The following KCTD16 variants were observed in gnomAD, a reference collection of about 807,000 sequenced individuals.
KCTD16 encodes the protein BTB/POZ domain-containing protein KCTD16.
KCTD16 carries 13 observed loss-of-function variants against 33.2 expected under a neutral mutation model. That is an observed-to-expected ratio of 0.39 (90% CI 0.25 to 0.62). The LOEUF (loss-of-function observed/expected upper bound fraction) is 0.62. Ranked by LOEUF, KCTD16 falls within the 20% of genes least tolerant of loss-of-function variation. The probability of loss-of-function intolerance (pLI) is 0.50; values close to 1 mark genes in which losing one functional copy is unlikely to be tolerated. For missense variants in KCTD16, 441 were observed against 525.1 expected (o/e 0.84, Z 1.57); for synonymous variants, 197 against 195.3 (o/e 1.01, Z -0.07).
At chr5:144,330,148 C>T (rs984430341) in intron 3 of KCTD16, among the ~76,000 whole-genome samples, 1 of 152,098 alleles carries the variant, frequency 6.6e-6, no homozygotes, top group Non-Finnish European at 1.5e-5. Context: ...AGTGGTGGCT[C>T]ACGCCTGTAA....
intron 3 of KCTD16, among the ~76,000 whole-genome samples, chr5:144,386,971 A>G (rs1449750158): frequency 5.3e-5 from 8 of 151,366 alleles, no homozygotes; most frequent in Non-Finnish European, 1.2e-4. Context: ...TACCAATTAC[A>G]AAGCACTTTT....
chr5:144,300,442 G>T (rs532065128), intron 3 of KCTD16, among the ~76,000 whole-genome samples: 1 of 152,224 alleles, frequency 6.6e-6, no homozygotes, highest in Non-Finnish European at 1.5e-5. Flanking sequence ...ATTTAATAGG[G>T]TGCAAATTGT....
intron 3 of KCTD16, among the ~76,000 whole-genome samples, chr5:144,299,150 T>G (rs7717937): frequency 3.4e-5 from 1 of 29,298 alleles, no homozygotes; most frequent in Non-Finnish European, 5.2e-5. Context: ...ATATATATAT[T>G]TTTTTTTTTT....
chr5:144,219,202 C>CTTTTATTT (rs753212651), intron 3 of KCTD16, among the ~76,000 whole-genome samples: 86 of 152,132 alleles, frequency 5.7e-4, no homozygotes, highest in Non-Finnish European at 1.1e-3. Flanking sequence ...TCTCCCAGCT[C>CTTTTATTT]TTTTATTTTT....
At chr5:144,296,022 A>G (rs1756025047) in intron 3 of KCTD16, among the ~76,000 whole-genome samples, 1 of 152,206 alleles carries the variant, frequency 6.6e-6, no homozygotes, top group Non-Finnish European at 1.5e-5. Context: ...TTAAGCCACT[A>G]AGTTTGTGAT....
chr5:144,280,158 A>G (rs766760331), intron 3 of KCTD16, among the ~76,000 whole-genome samples: 1 of 152,122 alleles, frequency 6.6e-6, no homozygotes, highest in Non-Finnish European at 1.5e-5. Flanking sequence ...TGGCTTTGAT[A>G]TATCAGAGTA....
At position 144,206,596 on chromosome 5, in the gene KCTD16, T is replaced by A; in HGVS notation, c.-119T>A. 1.2e-6 allele frequency: 1 copy of A among 834,192 alleles called. No individual in the cohort carries two copies. The highest frequency in any genetic ancestry group is 1.9e-5 in the South Asian group (1 of 53,972). 51.7% of individuals were successfully genotyped at this position (834,192 alleles called of 1,614,324 possible). A position where few individuals can be genotyped will look rare whatever the true frequency, so the allele number is the denominator to read the frequency against. On this transcript the variant is annotated 5_prime_UTR_variant, in exon 3 of 4. Transcript: ENST00000512467. Reference sequence around the variant, plus strand: ...GGAAAAATACTGGGATAAGAGGAGGTCATTTTTTAATAAGTTAGCATCCTT... The same window carrying A: ...GGAAAAATACTGGGATAAGAGGAGGACATTTTTTAATAAGTTAGCATCCTT...
chr5:144,348,728 T>C (rs244523), intron 3 of KCTD16, among the ~76,000 whole-genome samples: 1 of 151,988 alleles, frequency 6.6e-6, no homozygotes, highest in African/African-American at 2.4e-5. Context: ...ATGCCAAAAA[T>C]ATTATCCTGG....
At chr5:144,470,892 T>C (rs985290813) in intron 3 of KCTD16, among the ~76,000 whole-genome samples, 1 of 152,116 alleles carries the variant, frequency 6.6e-6, no homozygotes, top group African/African-American at 2.4e-5. Flanking sequence ...TAAAATAACT[T>C]TTGGAAGACT....
At chr5:144,436,030 T>C (rs2126972912) in intron 3 of KCTD16, among the ~76,000 whole-genome samples, 1 of 152,316 alleles carries the variant, frequency 6.6e-6, no homozygotes, top group South Asian at 2.1e-4. Flanking sequence ...TAAAGAACAG[T>C]TGTGCTTGTA....
In KCTD16 at chr5:144,480,631, G is replaced by C. The variant is rs1250328382; in HGVS notation, c.*6517G>C. On this transcript the variant is annotated 3_prime_UTR_variant, in exon 4 of 4. Transcript: ENST00000512467. ...TTAAGGCCGTGGCTCTCAACCAGGAGTGGTTTTGCATACCAGAGATCTTTT... is the reference window on the plus strand; with the variant it reads ...TTAAGGCCGTGGCTCTCAACCAGGACTGGTTTTGCATACCAGAGATCTTTT... 2 of 151,868 alleles carry C rather than the reference G, an allele frequency of 1.3e-5. No homozygotes were observed. Among genetic ancestry groups the C allele is most frequent in the Non-Finnish European group, 2.9e-5 (2 of 67,914 alleles). The allele number at this position is 151,868 out of a possible 1,614,324, so 9.4% of individuals were successfully genotyped here.
chr5:144,445,867 G>A (rs1320395993), intron 3 of KCTD16, among the ~76,000 whole-genome samples: 1 of 151,804 alleles, frequency 6.6e-6, no homozygotes, highest in African/African-American at 2.4e-5. Context: ...GGACTTATGG[G>A]GGCTAAACTG....
At position 144,183,583 on chromosome 5, in the gene KCTD16, C is replaced by T. The variant is rs143795448; in HGVS notation, c.-327+9111C>T. Reference sequence around the variant, plus strand: ...CCATTCTGTTCCTCTGCCACATGCACATTGCTTTATACATGAGGAAACTAA... The same window carrying T: ...CCATTCTGTTCCTCTGCCACATGCATATTGCTTTATACATGAGGAAACTAA... On this transcript the variant is annotated intron_variant, in intron 2 of 3. Transcript: ENST00000512467. Among the ~76,000 whole-genome samples the T allele has an allele frequency of 1.6e-3, 251 of 152,246 alleles. 2 individuals are homozygous for T. Among genetic ancestry groups the T allele is most frequent in the Non-Finnish European group, 2.9e-3 (195 of 68,008 alleles).
At chr5:144,466,974 TAA>T (rs1491290915) in intron 3 of KCTD16, among the ~76,000 whole-genome samples, 3 of 129,974 alleles carry the variant, frequency 2.3e-5, no homozygotes, top group Admixed American at 1.7e-4. Flanking sequence ...ATATTATATA[TAA>T]TATATATAAC....
In KCTD16 at chr5:144,318,205, C is replaced by T. The variant is rs536594626; in HGVS notation, c.832+110659C>T. Among the ~76,000 whole-genome samples, 17 of 152,256 alleles carry T rather than the reference C, an allele frequency of 1.1e-4. No individual in the cohort carries two copies. In the East Asian group the frequency reaches 3.1e-3, roughly 28 times the overall value. ...GAAAGAGGGATCAAAGGCACAACCC[C>T]GAGCGGCCTGTTCAAACCTTTGTTA... On this transcript the variant is annotated intron_variant, in intron 3 of 3. Coordinates refer to ENST00000512467, the MANE Select transcript of KCTD16 (RefSeq NM_020768.4).
intron 3 of KCTD16, among the ~76,000 whole-genome samples, chr5:144,271,467 A>G (rs1458475202): frequency 6.6e-6 from 1 of 152,036 alleles, no homozygotes; most frequent in Non-Finnish European, 1.5e-5. Context: ...TGATCAAAAC[A>G]TTAAAAAAAC....
At chr5:144,320,299 A>G (rs529793618) in intron 3 of KCTD16, among the ~76,000 whole-genome samples, 7 of 152,340 alleles carry the variant, frequency 4.6e-5, no homozygotes, top group African/African-American at 1.4e-4. Flanking sequence ...AGAAGAATGT[A>G]TTATAGAGTT....
chr5:144,344,370 A>AAACTG (rs1209959885), intron 3 of KCTD16, among the ~76,000 whole-genome samples: 6 of 134,180 alleles, frequency 4.5e-5, no homozygotes, highest in African/African-American at 1.8e-4. Flanking sequence ...GGATCTAATT[A>AAACTG]AAGAGCTTCT....
chr5:144,241,760 T>A (rs1673656042), intron 3 of KCTD16, among the ~76,000 whole-genome samples: 1 of 152,178 alleles, frequency 6.6e-6, no homozygotes, highest in Non-Finnish European at 1.5e-5. Context: ...AGTGGATTAG[T>A]GGCTATGAAA....
Sources: gnomAD v4.1 joint callset for allele counts (sites outside exome capture counted in the v4.1 genomes callset) on GRCh38, gnomAD v4.1.1 for gene constraint, MANE v1.5 for transcripts, NCBI Gene and HGNC (gene_info 2026-07-23, HGNC 2026-07-21) for gene names.